The following EIPR1 variants were observed in gnomAD, a reference collection of about 807,000 sequenced individuals.
EIPR1 encodes the protein EARP and GARP complex-interacting protein 1.
Under a neutral mutation model 48.1 loss-of-function variants are expected in EIPR1, and 25 were observed. The ratio of observed to expected loss-of-function variants is 0.52; its 90% CI spans 0.38 to 0.73. The LOEUF (loss-of-function observed/expected upper bound fraction) is 0.73, where lower values mean the gene tolerates loss of function less well. Ranked by LOEUF, EIPR1 falls within the 30% of genes least tolerant of loss-of-function variation. EIPR1 has a pLI of 0.00. For missense variants in EIPR1, 415 were observed against 506.2 expected, an observed-to-expected ratio of 0.82 and a Z score of 1.73; for synonymous variants, 204 against 201.9, an observed-to-expected ratio of 1.01 and a Z score of -0.09.
At chr2:3,377,556 G>A (rs1659936476) in intron 1 of EIPR1, 92 bp downstream of exon 1, 1 of 1,470,798 alleles carries the variant, frequency 6.8e-7, no homozygotes. Flanking sequence ...TTGCAGGGCT[G>A]GTGGGAGATC....
At chr2:3,261,139 T>C (rs1430830590) in intron 3 of EIPR1, among the ~76,000 whole-genome samples, 2 of 151,728 alleles carry the variant, frequency 1.3e-5, no homozygotes, top group East Asian at 3.9e-4. Context: ...AGTCAGGGGG[T>C]GGCAATTATC....
rs147793944 is a variant in EIPR1 at position 3,257,355 on chromosome 2, T to C, written c.360A>G (p.Ala120=). ...GGTGACAGAGCAGCTCCAGGGTCTG[T>C]GCAGTGCTGGATGAATCATCAGGGG... ...HESPDDSSST[A]QTLELLCHLD... Residue 120 remains alanine (A), a synonymous_variant, in exon 4 of 9, where the codon GCA becomes GCG. Transcript: ENST00000382125. 1.9e-6 allele frequency: 3 copies of C among 1,614,024 alleles called. No individual in the cohort carries two copies. The African/African-American group carries it at 4.0e-5, about 22-fold the overall frequency.
At chr2:3,201,345 G>C (rs944968440) in intron 5 of EIPR1, among the ~76,000 whole-genome samples, 1 of 152,232 alleles carries the variant, frequency 6.6e-6, no homozygotes, top group African/African-American at 2.4e-5. Context: ...CATGGCGGAG[G>C]GGGGATGTTA....
Position 3,269,616 on chromosome 2 carries a change from ACAATCATCG to A in EIPR1, c.260-12170_260-12162del, listed in dbSNP as rs1558263750. On this transcript the variant is annotated intron_variant, in intron 3 of 8. Coordinates refer to ENST00000382125, the MANE Select transcript of EIPR1 (RefSeq NM_003310.5). Reference sequence around the variant, plus strand: ...TCGCACTCAATCGCACTCAATCATCACAATCATCGCACTCAATCATCACACTCAATCATC... The same window carrying A: ...TCGCACTCAATCGCACTCAATCATCACACTCAATCATCACACTCAATCATC... Among the ~76,000 whole-genome samples, 739 of 115,038 alleles carry A rather than the reference ACAATCATCG, an allele frequency of 6.4e-3. 19 individuals carry two copies. The highest frequency in any genetic ancestry group is 9.3e-3 in the South Asian group (30 of 3,242). The allele number at this position is 115,038 out of a possible 152,430, so 75.5% of individuals were successfully genotyped here. A position where few individuals can be genotyped will look rare whatever the true frequency, so the allele number is the denominator to read the frequency against.
chr2:3,199,068 C>CAA (rs1266494378), intron 5 of EIPR1, among the ~76,000 whole-genome samples: 2 of 52,458 alleles, frequency 3.8e-5, no homozygotes, highest in Non-Finnish European at 1.3e-4. Flanking sequence ...AGGGCCCCCC[C>CAA]CCCGCCCCGG....
Position 3,189,568 on chromosome 2 carries a change from G to A in EIPR1, c.990-60C>T. 6.9e-7 allele frequency: 1 copy of A among 1,454,330 alleles called. No individual in the cohort carries two copies. Among genetic ancestry groups the A allele is most frequent in the South Asian group, 1.4e-5 (1 of 70,910 alleles). 90.1% of individuals were successfully genotyped at this position (1,454,330 alleles called of 1,614,324 possible). On this transcript the variant is annotated intron_variant, in intron 8 of 8. Coordinates refer to ENST00000382125, the MANE Select transcript of EIPR1 (RefSeq NM_003310.5). This position sits in a 1 kb window ranked among gnomAD's most constrained non-coding sequence, Gnocchi z 4.6. Reference sequence around the variant, plus strand: ...GCTCCGGCGGGGCGGGCAGGAGAGGGGCAGGGAGGACGCGAGCGCTGACAT... The same window carrying A: ...GCTCCGGCGGGGCGGGCAGGAGAGGAGCAGGGAGGACGCGAGCGCTGACAT...
In EIPR1 at chr2:3,318,228, G is replaced by A. The variant is rs182185873; in HGVS notation, c.259+19789C>T. ...TGGGGTTGAGGGAGAAGCTGGCCCC[G>A]GTTCTTTACAGTCTTACTGGAAAAA... On this transcript the variant is annotated intron_variant, in intron 3 of 8. Coordinates refer to ENST00000382125, the MANE Select transcript of EIPR1 (RefSeq NM_003310.5). Among the ~76,000 whole-genome samples the A allele has an allele frequency of 3.6e-4, 55 of 152,332 alleles. No individual in the cohort carries two copies. In the East Asian group the frequency reaches 7.0e-3, roughly 19 times the overall value.
chr2:3,282,493 T>G (rs1668042572), intron 3 of EIPR1: 1 of 152,290 alleles, frequency 6.6e-6, no homozygotes, highest in African/African-American at 2.4e-5. Flanking sequence ...TCTGTCTCGT[T>G]AGTCATCCCG....
chr2:3,278,263 G>A (rs1467966081), intron 3 of EIPR1, among the ~76,000 whole-genome samples: 1 of 152,198 alleles, frequency 6.6e-6, no homozygotes. Context: ...TGCCCCATCA[G>A]CTGCTGCCAT....
intron 3 of EIPR1, among the ~76,000 whole-genome samples, chr2:3,282,146 G>C (rs1668032144): frequency 6.6e-6 from 1 of 152,238 alleles, no homozygotes; most frequent in Admixed American, 6.5e-5. Flanking sequence ...AAAATTCTAG[G>C]ACAAACCAGC....
Position 3,281,051 on chromosome 2 carries a change from A to AC in EIPR1, c.260-23597dup, listed in dbSNP as rs1217665834. ...CTAGGAGAACCCAAGCACCATACCCACCCCCATCCACATAAAGCCATGTTC... is the reference window on the plus strand; with the variant it reads ...CTAGGAGAACCCAAGCACCATACCCACCCCCCATCCACATAAAGCCATGTTC... On this transcript the variant is annotated intron_variant, in intron 3 of 8. Coordinates refer to ENST00000382125, the MANE Select transcript of EIPR1 (RefSeq NM_003310.5). Among the ~76,000 whole-genome samples, 5 of 151,392 alleles carry AC rather than the reference A, an allele frequency of 3.3e-5. No individual in the cohort carries two copies. The East Asian group carries it at 5.8e-4, about 18-fold the overall frequency.
At chr2:3,355,726 G>A (rs1052831718) in intron 1 of EIPR1, among the ~76,000 whole-genome samples, 5 of 151,830 alleles carry the variant, frequency 3.3e-5, no homozygotes, top group African/African-American at 1.2e-4. Flanking sequence ...GGGGCAGGAG[G>A]ATCACTCGAG....
At chr2:3,192,828 A>G (rs1053571931) in intron 7 of EIPR1, among the ~76,000 whole-genome samples, 4 of 151,726 alleles carry the variant, frequency 2.6e-5, no homozygotes, top group African/African-American at 9.7e-5. Context: ...ACAGGAGGAG[A>G]AGGCTTATCA....
At position 3,269,331 on chromosome 2, in the gene EIPR1, A is replaced by ATCGCACTCAG. The variant is rs1553291778; in HGVS notation, c.260-11877_260-11876insCTGAGTGCGA. On this transcript the variant is annotated intron_variant, in intron 3 of 8. Transcript: ENST00000382125. ...TCGCACTCAGTCATCGCACTCAATC[A>ATCGCACTCAG]TCATCACACTCAGTCATCGCACTCA... Among the ~76,000 whole-genome samples the ATCGCACTCAG allele has an allele frequency of 8.7e-4, 88 of 100,956 alleles. 7 individuals are homozygous for ATCGCACTCAG. The highest frequency in any genetic ancestry group is 1.4e-3 in the Non-Finnish European group (69 of 50,960). The allele number at this position is 100,956 out of a possible 152,430, so 66.2% of individuals were successfully genotyped here.
In EIPR1 at chr2:3,281,277, C is replaced by T. The variant is rs1668004114; in HGVS notation, c.260-23822G>A. 2.6e-5 allele frequency among the ~76,000 whole-genome samples: 4 copies of T among 152,032 alleles called. No homozygotes were observed. In the South Asian group the frequency reaches 6.2e-4, roughly 24 times the overall value. On this transcript the variant is annotated intron_variant, in intron 3 of 8. Coordinates refer to ENST00000382125, the MANE Select transcript of EIPR1 (RefSeq NM_003310.5). ...GGTGGCTGGGACCTGCCCTCCTTCT[C>T]GGTGTCCCTCCAGGAAGGCTGGAGA...
intron 3 of EIPR1, among the ~76,000 whole-genome samples, chr2:3,310,725 G>A (rs1669106910): frequency 6.7e-6 from 1 of 149,904 alleles, no homozygotes; most frequent in African/African-American, 2.5e-5. Flanking sequence ...TAGTAAGACT[G>A]CCTTATATTT....
intron 3 of EIPR1, among the ~76,000 whole-genome samples, chr2:3,261,234 T>C (rs1013418811): frequency 4.6e-5 from 7 of 151,964 alleles, no homozygotes; most frequent in Non-Finnish European, 1.0e-4. Context: ...TTGGTATTCC[T>C]AGGGGTGAAA....
At chr2:3,245,676 G>A (rs2103196092) in intron 4 of EIPR1, among the ~76,000 whole-genome samples, 1 of 152,380 alleles carries the variant, frequency 6.6e-6, no homozygotes, top group East Asian at 1.9e-4. Context: ...TCAGGAGCCA[G>A]TAACCAGGAA....
At chr2:3,237,427 T>C (rs1387683302) in intron 4 of EIPR1, among the ~76,000 whole-genome samples, 1 of 152,194 alleles carries the variant, frequency 6.6e-6, no homozygotes, top group Non-Finnish European at 1.5e-5. Flanking sequence ...CAGTCTATTG[T>C]TACAGGTGTT....
Sources: allele counts gnomAD v4.1 joint callset (sites outside exome capture counted in the v4.1 genomes callset), GRCh38; gene constraint gnomAD v4.1.1; non-coding constraint Gnocchi (gnomAD v3.1); transcripts MANE v1.5; gene names NCBI Gene and HGNC (gene_info 2026-07-23, HGNC 2026-07-21).